Variants in NCK1 observed in about 807,000 individuals in gnomAD.
The protein encoded by NCK1 is SH2/SH3 adapter protein NCK1.
Under a neutral mutation model 36.6 loss-of-function variants are expected in NCK1, and 19 were observed. That is an observed-to-expected ratio of 0.52 (90% CI 0.36 to 0.76). NCK1 has a LOEUF of 0.76. NCK1 is among the 30% of genes least tolerant of loss of function. The pLI is 0.00. For missense variants in NCK1, 358 were observed against 445.6 expected (o/e 0.80, Z 1.77); for synonymous variants, 165 against 156.0 (o/e 1.06, Z -0.43).
intron 1 of NCK1, among the ~76,000 whole-genome samples, chr3:136,867,879 T>G (rs908686930): frequency 6.6e-6 from 1 of 151,942 alleles, no homozygotes; most frequent in Non-Finnish European, 1.5e-5. Flanking sequence ...TCTCATAGAT[T>G]GAAAACTTCA....
intron 1 of NCK1, chr3:136,899,427 T>TG (rs994037439): frequency 7.2e-6 from 2 of 278,818 alleles, no homozygotes; most frequent in Admixed American, 4.0e-5. Flanking sequence ...TTCTTTTTTT[T>TG]TTTTTTAAAT....
At chr3:136,937,355 G>T (rs1940558267) in intron 2 of NCK1, among the ~76,000 whole-genome samples, 1 of 152,110 alleles carries the variant, frequency 6.6e-6, no homozygotes. Context: ...ACACTGTTTT[G>T]ATTACTGTGG....
chr3:136,920,385 A>G (rs563591387), intron 1 of NCK1, among the ~76,000 whole-genome samples: 3 of 152,220 alleles, frequency 2.0e-5, no homozygotes, highest in East Asian at 1.9e-4. Context: ...GCATAGCACA[A>G]TTCATTCACT....
In NCK1 at chr3:136,945,734, A is replaced by G; in HGVS notation, c.378A>G (p.Ser126=). Residue 126 remains serine, a synonymous_variant, in exon 3 of 4, where the codon TCA becomes TCG. Transcript: ENST00000481752. ...NYMAEREDEL[S]LIKGTKVIVM... Reference sequence around the variant, plus strand: ...TGGCTGAGAGAGAGGATGAATTATCATTGATAAAGGGGACAAAGGTGATCG... The same window carrying G: ...TGGCTGAGAGAGAGGATGAATTATCGTTGATAAAGGGGACAAAGGTGATCG... 6.2e-7 allele frequency: 1 copy of G among 1,614,198 alleles called. No homozygotes were observed.
intron 1 of NCK1, among the ~76,000 whole-genome samples, chr3:136,902,661 GC>G (rs1212431009): frequency 1.3e-5 from 2 of 151,986 alleles, no homozygotes; most frequent in East Asian, 3.9e-4. Context: ...GGGTGCTGGT[GC>G]CCACTTTAAT....
At chr3:136,903,296 A>G (rs1037514136) in intron 1 of NCK1, among the ~76,000 whole-genome samples, 3 of 152,158 alleles carry the variant, frequency 2.0e-5, no homozygotes, top group Non-Finnish European at 4.4e-5. Flanking sequence ...TTCTGTTTGC[A>G]TGGAATATCT....
Position 136,892,604 on chromosome 3 carries a change from C to T in NCK1, c.-19+30251C>T, listed in dbSNP as rs368823207. On this transcript the variant is annotated intron_variant, in intron 1 of 3. Coordinates refer to ENST00000481752, the MANE Select transcript of NCK1 (RefSeq NM_001291999.2). Reference sequence around the variant, plus strand: ...CTAGAGCCTTCTGAAGGAATGCAGGCTTTGATTGTAGCTTTGTAATCTACT... The same window carrying T: ...CTAGAGCCTTCTGAAGGAATGCAGGTTTTGATTGTAGCTTTGTAATCTACT... Among the ~76,000 whole-genome samples, 52 of 152,276 alleles carry T rather than the reference C, an allele frequency of 3.4e-4. 1 individual carries two copies. The South Asian group carries it at 6.8e-3, about 20-fold the overall frequency.
chr3:136,899,235 GA>G, intron 1 of NCK1: 1 of 262,790 alleles, frequency 3.8e-6, no homozygotes, highest in Non-Finnish European at 7.8e-6. Flanking sequence ...GCTTTCAGCT[GA>G]AGGACTGCAT....
At chr3:136,898,150 C>G (rs1370116534) in intron 1 of NCK1, among the ~76,000 whole-genome samples, 1 of 152,118 alleles carries the variant, frequency 6.6e-6, no homozygotes, top group South Asian at 2.1e-4. Flanking sequence ...AATCCCAGCA[C>G]TTTGGGAGGC....
At chr3:136,871,619 C>T (rs1301925488) in intron 1 of NCK1, among the ~76,000 whole-genome samples, 3 of 152,106 alleles carry the variant, frequency 2.0e-5, no homozygotes, top group East Asian at 1.9e-4. Context: ...TGTCCTCTAT[C>T]GCCATAAACT....
intron 1 of NCK1, among the ~76,000 whole-genome samples, chr3:136,878,263 G>A (rs1938830029): frequency 6.6e-6 from 1 of 152,102 alleles, no homozygotes; most frequent in South Asian, 2.1e-4. Flanking sequence ...ACACAAATTA[G>A]CCGGATGTGG....
At chr3:136,911,174 T>A (rs915670505) in intron 1 of NCK1, among the ~76,000 whole-genome samples, 1 of 152,226 alleles carries the variant, frequency 6.6e-6, no homozygotes, top group African/African-American at 2.4e-5. Context: ...TTAAGTTGAT[T>A]CCATATCCTG....
At chr3:136,865,335 T>A (rs1463921918) in intron 1 of NCK1, among the ~76,000 whole-genome samples, 1 of 152,192 alleles carries the variant, frequency 6.6e-6, no homozygotes, top group East Asian at 1.9e-4. Context: ...TCTGCCCACC[T>A]CCGCCTCCCA....
At chr3:136,891,791 A>C (rs4678273) in intron 1 of NCK1, among the ~76,000 whole-genome samples, 103,176 of 151,492 alleles carry the variant, frequency 0.68, 35,398 homozygotes, top group East Asian at 0.87. Flanking sequence ...TTTCTAAGGG[A>C]TGGTGATATG....
intron 1 of NCK1, among the ~76,000 whole-genome samples, chr3:136,890,115 G>A (rs996432526): frequency 6.6e-6 from 1 of 152,198 alleles, no homozygotes; most frequent in Non-Finnish European, 1.5e-5. Context: ...CTCAGGCATG[G>A]CGGGCTGCAG....
intron 1 of NCK1, among the ~76,000 whole-genome samples, chr3:136,900,520 A>G (rs1216420149): frequency 6.6e-6 from 1 of 152,192 alleles, no homozygotes; most frequent in East Asian, 1.9e-4. Context: ...TTATGGCAGT[A>G]TGGTCATTTT....
chr3:136,864,625 A>G (rs570516739), intron 1 of NCK1, among the ~76,000 whole-genome samples: 2 of 152,342 alleles, frequency 1.3e-5, no homozygotes, highest in African/African-American at 4.8e-5. Context: ...GCTGGAGGCC[A>G]GGAGTTTGAG....
chr3:136,883,343 T>G (rs1360059857), intron 1 of NCK1, among the ~76,000 whole-genome samples: 3 of 152,068 alleles, frequency 2.0e-5, no homozygotes, highest in African/African-American at 7.2e-5. Context: ...AACGTGAGAC[T>G]TTTTTTTCCC....
intron 1 of NCK1, among the ~76,000 whole-genome samples, chr3:136,882,146 G>A (rs1270091010): frequency 6.6e-6 from 1 of 151,756 alleles, no homozygotes; most frequent in African/African-American, 2.4e-5. Flanking sequence ...CACCAACCGT[G>A]CATAAGAGTT....
Sources: gnomAD v4.1 joint callset for allele counts (sites outside exome capture counted in the v4.1 genomes callset) on GRCh38, gnomAD v4.1.1 for gene constraint, MANE v1.5 for transcripts, NCBI Gene and HGNC (gene_info 2026-07-23, HGNC 2026-07-21) for gene names.